The following PCNX2 variants were observed in gnomAD, a reference collection of about 807,000 sequenced individuals.
PCNX2 encodes the protein pecanex 2, also known as pecanex-like protein 2.
PCNX2 carries 168 observed loss-of-function variants against 223.8 expected under a neutral mutation model. The ratio of observed to expected loss-of-function variants is 0.75; its 90% CI spans 0.66 to 0.85. PCNX2 has a LOEUF of 0.85. Among genes scored for constraint, PCNX2 ranks in the 40% least tolerant of loss-of-function variants. The probability of loss-of-function intolerance (pLI) is 0.00; values close to 1 mark genes in which losing one functional copy is unlikely to be tolerated. For missense variants in PCNX2, 2,507 were observed against 2,675.5 expected, an observed-to-expected ratio of 0.94 and a Z score of 1.39; for synonymous variants, 1,006 against 1,052.6, an observed-to-expected ratio of 0.96 and a Z score of 0.86.
intron 10 of PCNX2, among the ~76,000 whole-genome samples, chr1:233,223,434 G>A (rs967549739): frequency 6.6e-6 from 1 of 152,158 alleles, no homozygotes; most frequent in Non-Finnish European, 1.5e-5. Context: ...TGGTAAAAAA[G>A]TGGGGTAAGA....
intron 26 of PCNX2, among the ~76,000 whole-genome samples, chr1:233,021,043 T>A (rs897323375): frequency 8.7e-6 from 1 of 114,470 alleles, no homozygotes; most frequent in African/African-American, 3.5e-5. Context: ...GAAAATCATC[T>A]TTTTTTTTAA....
chr1:232,999,163 A>C lies in PCNX2; in HGVS notation c.5545T>G (p.Trp1849Gly), dbSNP rs1669980449. The C allele has an allele frequency of 1.2e-6, 2 of 1,613,822 alleles. No individual in the cohort carries two copies. The highest frequency in any genetic ancestry group is 1.7e-6 in the Non-Finnish European group (2 of 1,179,854). Residue 1849 changes from tryptophan to glycine, a missense_variant, in exon 31 of 34, where the codon TGG becomes GGG. Physicochemically the swap from Trp to Gly is radical, Grantham distance 184 (BLOSUM62 -2). Around this residue, in one of 3 missense-constraint regions of PCNX2, gnomAD observed 1,372 missense variants for 1,509.4 expected, o/e 0.91. Transcript: ENST00000258229. ...CTGTCCAAAGTGATGGGTCCACCCC[A>C]GATGTTCTTCAGCTGCCTGTGTGTC... The part of the protein sequence containing the change: ...LGTHRQLKNI[W>G]GGPITLDRIR...
At chr1:233,046,701 C>T (rs566478257) in intron 25 of PCNX2, among the ~76,000 whole-genome samples, 79 of 152,324 alleles carry the variant, frequency 5.2e-4, no homozygotes, top group Non-Finnish European at 9.3e-4. Flanking sequence ...CCTGGGCAGT[C>T]TAGTCTCACA....
intron 12 of PCNX2, among the ~76,000 whole-genome samples, chr1:233,214,717 T>C (rs1682019278): frequency 6.6e-6 from 1 of 152,198 alleles, no homozygotes; most frequent in South Asian, 2.1e-4. Flanking sequence ...GATCCTCAAA[T>C]TGCAAAGTTT....
chr1:233,315,738 AAAAC>A, the PCNX2 span, among the ~76,000 whole-genome samples: 10 of 152,332 alleles, frequency 6.6e-5, no homozygotes, highest in East Asian at 1.9e-4. Context: ...TGGCATTTAA[AAAAC>A]AAACAAAGCA....
At chr1:233,128,159 TAA>T (rs1164174120) in intron 21 of PCNX2, among the ~76,000 whole-genome samples, 1 of 152,166 alleles carries the variant, frequency 6.6e-6, no homozygotes, top group Non-Finnish European at 1.5e-5. Context: ...TTTCATCTCC[TAA>T]GTGGCAAAAG....
At chr1:233,298,168 G>A (rs527454775), upstream of PCNX2, among the ~76,000 whole-genome samples, 1 of 152,164 alleles carries the variant, frequency 6.6e-6, no homozygotes, top group South Asian at 2.1e-4. Flanking sequence ...AAAAAATGAA[G>A]CCAAGAGGGC....
chr1:233,122,243 T>A (rs898434333), intron 21 of PCNX2, among the ~76,000 whole-genome samples: 10 of 152,166 alleles, frequency 6.6e-5, no homozygotes, highest in South Asian at 4.1e-4. Flanking sequence ...AACCTAAGTA[T>A]AAAATAAATA....
At chr1:233,297,369 G>T (rs1215936969), upstream of PCNX2, among the ~76,000 whole-genome samples, 1 of 152,198 alleles carries the variant, frequency 6.6e-6, no homozygotes, top group Non-Finnish European at 1.5e-5. Flanking sequence ...AACCACAAGA[G>T]GAGGCAGGAA....
At position 233,236,843 on chromosome 1, in the gene PCNX2, A is replaced by T. The variant is rs745690573; in HGVS notation, c.2358+2T>A. On this transcript the variant is annotated splice_donor_variant, in intron 9 of 33. Transcript: ENST00000258229. LOFTEE classifies it high-confidence loss of function. ...CAAACAGCAATTCTGGAATGTACGT[A>T]CCCGTGGGGTTTCCGACTGGGTCCT... The T allele has an allele frequency of 6.2e-7, 1 of 1,613,318 alleles. No individual in the cohort carries two copies. The highest frequency in any genetic ancestry group is 8.5e-7 in the Non-Finnish European group (1 of 1,179,818).
intron 23 of PCNX2, among the ~76,000 whole-genome samples, chr1:233,067,838 A>C (rs1226707690): frequency 6.6e-6 from 1 of 152,202 alleles, no homozygotes; most frequent in African/African-American, 2.4e-5. Flanking sequence ...AGAATCATTG[A>C]ACTGGAAGAC....
At chr1:233,053,792 G>C (rs926007591) in intron 25 of PCNX2, among the ~76,000 whole-genome samples, 2 of 152,146 alleles carry the variant, frequency 1.3e-5, no homozygotes, top group Non-Finnish European at 2.9e-5. Context: ...CCTTCTACAT[G>C]ATCTCATTTA....
intron 23 of PCNX2, chr1:233,057,980 G>C: frequency 2.0e-6 from 2 of 984,960 alleles, no homozygotes; most frequent in South Asian, 9.4e-5. Context: ...AGTAGTCAAC[G>C]TCTCCACCAC....
Position 233,263,156 on chromosome 1 carries a change from G to A in PCNX2, c.161C>T (p.Pro54Leu). Residue 54 changes from proline (P) to leucine (L), a missense_variant, in exon 2 of 34, where the codon CCT (proline) becomes CTT (leucine). Pro to Leu is a moderately conservative substitution (Grantham distance 98). Around this residue, in one of 3 missense-constraint regions of PCNX2, gnomAD observed 1,031 missense variants for 1,021.7 expected, o/e 1.01. Coordinates refer to ENST00000258229, the MANE Select transcript of PCNX2 (RefSeq NM_014801.4). ...GAAAAATACAATGATCGCATTTGGA[G>A]GAAAAGCCTGAAGAAAGGAAAAGAC... is the stretch of plus-strand genomic sequence containing the variant. Reference protein sequence around the residue: ...LLPLALHLAFPPNAIIVFFYC... With the variant: ...LLPLALHLAFLPNAIIVFFYC... 2 of 1,604,536 alleles carry A rather than the reference G, an allele frequency of 1.2e-6. No homozygotes were observed. The highest frequency in any genetic ancestry group is 1.1e-5 in the South Asian group (1 of 89,668).
At chr1:233,241,871 T>A (rs1658790760) in intron 8 of PCNX2, among the ~76,000 whole-genome samples, 1 of 152,134 alleles carries the variant, frequency 6.6e-6, no homozygotes, top group South Asian at 2.1e-4. Flanking sequence ...CAAGTCAGAG[T>A]GTCACTATTA....
intron 32 of PCNX2, among the ~76,000 whole-genome samples, chr1:232,996,647 T>C (rs1326775609): frequency 6.6e-6 from 1 of 152,162 alleles, no homozygotes. Flanking sequence ...TATCTACCTA[T>C]CTAGCATCTG....
chr1:233,269,728 AACATAACACTC>A (rs1267264010), intron 1 of PCNX2, among the ~76,000 whole-genome samples: 5 of 152,204 alleles, frequency 3.3e-5, no homozygotes, highest in Non-Finnish European at 1.5e-5. Context: ...TAATCTGCCA[AACATAACACTC>A]ACACTCAAGT....
At chr1:233,260,869 C>T (rs1432614224) in intron 4 of PCNX2, among the ~76,000 whole-genome samples, 1 of 151,652 alleles carries the variant, frequency 6.6e-6, no homozygotes. Flanking sequence ...GAAAGATCCC[C>T]CAAAACAAAA....
intron 23 of PCNX2, among the ~76,000 whole-genome samples, chr1:233,083,212 C>G (rs1383230242): frequency 6.6e-6 from 1 of 152,138 alleles, no homozygotes; most frequent in African/African-American, 2.4e-5. Context: ...ATCCACTGAA[C>G]ATCTAGATGA....
Sources: allele counts gnomAD v4.1 joint callset (sites outside exome capture counted in the v4.1 genomes callset), GRCh38; gene constraint gnomAD v4.1.1; regional missense constraint gnomAD v4.1.1; transcripts MANE v1.5; gene names NCBI Gene and HGNC (gene_info 2026-07-23, HGNC 2026-07-21).